The following H1-8 variants were observed in gnomAD, a reference collection of about 807,000 sequenced individuals.
H1-8 encodes histone H1.8.
A neutral mutation model predicts 19.5 loss-of-function variants in H1-8; 13 were observed. The ratio of observed to expected loss-of-function variants is 0.67; its 90% confidence interval spans 0.43 to 1.06. The LOEUF (loss-of-function observed/expected upper bound fraction) is 1.06. Ranked by LOEUF, H1-8 falls within the 50% of genes least tolerant of loss-of-function variation. The probability of loss-of-function intolerance (pLI) is 0.00; values close to 1 mark genes in which losing one functional copy is unlikely to be tolerated. For missense variants in H1-8, 432 were observed against 459.8 expected (o/e 0.94, Z 0.55); for synonymous variants, 193 against 187.6 (o/e 1.03, Z -0.24).
chr3:129,550,239 C>T (rs1024205347), intron 3 of H1-8, among the ~76,000 whole-genome samples: 2 of 151,908 alleles, frequency 1.3e-5, no homozygotes, highest in African/African-American at 4.8e-5. Context: ...CCCATCTCTG[C>T]AAAAAATAAA....
rs189015908 is a variant in H1-8, at chr3:129,551,167, A to G, written c.868A>G (p.Lys290Glu). The G allele has an allele frequency of 6.2e-7, 1 of 1,614,232 alleles. No individual in the cohort carries two copies. Among genetic ancestry groups the G allele is most frequent in the African/African-American group, 1.3e-5 (1 of 75,074 alleles). ...GGTGGTGGCCAAGGCCAAGGCCCCT[A>G]AAGCTGGGCAGGGGCCAAACACCAA... ...KKVVAKAKAP[K>E]AGQGPNTKAA... The change falls in exon 5 of 5, where the codon AAA becomes GAA. Residue 290 changes from lysine to glutamate, a missense_variant. Lys to Glu is a moderately conservative substitution (Grantham distance 56). Transcript: ENST00000324382.
In H1-8 at chr3:129,547,398, C is replaced by A; in HGVS notation, c.96C>A (p.Ser32Arg). ...CCTGCCATCTCTCCTCAGGCCCGAG[C>A]CACGGCGGTGTCCCACCAGGAGGCC... ...RSPESEKPGP[S>R]HGGVPPGGPS... The change falls in exon 2 of 5, where the codon AGC becomes AGA. Residue 32 changes from serine (S) to arginine (R), a missense_variant. Transcript: ENST00000324382. 2.7e-6 allele frequency: 4 copies of A among 1,502,550 alleles called. No individual in the cohort carries two copies. Among genetic ancestry groups the A allele is most frequent in the Non-Finnish European group, 2.7e-6 (3 of 1,130,278 alleles). The allele number at this position is 1,502,550 out of a possible 1,614,324, so 93.1% of individuals were successfully genotyped here.
At chr3:129,551,022 G>A in intron 4 of H1-8, 85 bp from the exon 5 acceptor site, 1 of 1,230,566 alleles carries the variant, frequency 8.1e-7, no homozygotes, top group Non-Finnish European at 1.2e-6. Context: ...GCTTAGAAGG[G>A]CGATGTTGTG....
intron 3 of H1-8, among the ~76,000 whole-genome samples, chr3:129,549,714 G>C (rs916295024): frequency 6.6e-6 from 1 of 152,024 alleles, no homozygotes; most frequent in Non-Finnish European, 1.5e-5. Context: ...AACACTTTGG[G>C]AGGCCAAGGC....
rs527282721 is a variant in H1-8 at position 129,546,437 on chromosome 3, A to G, written c.89-954A>G. On this transcript the variant is annotated intron_variant, in intron 1 of 4. Coordinates refer to ENST00000324382, the MANE Select transcript of H1-8 (RefSeq NM_153833.3). Reference sequence around the variant, plus strand: ...CTCCAACAGTCACCATCTTGTGGACACTCTTGTTTCATCTGCTGGGTTATT... The same window carrying G: ...CTCCAACAGTCACCATCTTGTGGACGCTCTTGTTTCATCTGCTGGGTTATT... 4.9e-4 allele frequency among the ~76,000 whole-genome samples: 75 copies of G among 152,246 alleles called. 1 individual carries two copies. The South Asian group carries it at 8.5e-3, about 17-fold the overall frequency.
In H1-8 at chr3:129,549,384, G is replaced by A; in HGVS notation, c.742+20G>A. ...GCCAAGGTAGTTGTGTGACTTGTAG[G>A]GGGTGGTGTGGGGATGGGGGTCTTG... On this transcript the variant is annotated intron_variant, in intron 3 of 4. Coordinates refer to ENST00000324382, the MANE Select transcript of H1-8 (RefSeq NM_153833.3). 7.7e-6 allele frequency: 12 copies of A among 1,551,360 alleles called. No individual in the cohort carries two copies. Among genetic ancestry groups the A allele is most frequent in the East Asian group, 2.3e-5 (1 of 44,354 alleles).
chr3:129,550,407 A>G (rs2108756458), intron 3 of H1-8, among the ~76,000 whole-genome samples: 2 of 152,098 alleles, frequency 1.3e-5, no homozygotes, highest in South Asian at 4.2e-4. Context: ...TCTTAAAAGT[A>G]AAAAAAAGTA....
chr3:129,543,773 G>C (rs530635405), intron 1 of H1-8, among the ~76,000 whole-genome samples: 2 of 152,310 alleles, frequency 1.3e-5, no homozygotes, highest in South Asian at 2.1e-4. Flanking sequence ...TCACTCCCTC[G>C]AGGACCTCCC....
chr3:129,543,667 G>A (rs2084868298), intron 1 of H1-8, among the ~76,000 whole-genome samples: 1 of 152,202 alleles, frequency 6.6e-6, no homozygotes, highest in African/African-American at 2.4e-5. Context: ...TGGGGCAGGA[G>A]CATTTTATGC....
chr3:129,546,119 T>TAAC (rs374458257), intron 1 of H1-8, among the ~76,000 whole-genome samples: 1 of 108,414 alleles, frequency 9.2e-6, no homozygotes, highest in Non-Finnish European at 1.9e-5. Context: ...CAAATAACAA[T>TAAC]AACAATAATA....
chr3:129,547,450 C>T lies in H1-8; in HGVS notation c.148C>T (p.Arg50Cys), dbSNP rs1041769380. The change falls in exon 2 of 5, where the codon CGC (arginine) becomes TGC (cysteine). Residue 50 changes from arginine (R) to cysteine (C), a missense_variant. Coordinates refer to ENST00000324382, the MANE Select transcript of H1-8 (RefSeq NM_153833.3). Reference protein sequence around the residue: ...GPSHSSLPVGRRHPPVLRMVL... With the variant: ...GPSHSSLPVGCRHPPVLRMVL... ...GAGCCACAGCAGCCTCCCGGTGGGA[C>T]GCCGCCACCCCCCGGTGCTACGCAT... The T allele has an allele frequency of 3.9e-5, 60 of 1,542,480 alleles. No homozygotes were observed. Among genetic ancestry groups the T allele is most frequent in the South Asian group, 8.4e-5 (7 of 83,634 alleles).
chr3:129,545,523 C>G (rs933055206), intron 1 of H1-8, among the ~76,000 whole-genome samples: 8 of 152,082 alleles, frequency 5.3e-5, no homozygotes, highest in African/African-American at 1.7e-4. Context: ...GTTGTGTATC[C>G]ATCTCTATAA....
Position 129,543,306 on chromosome 3 carries a change from G to A in H1-8, c.88G>A (p.Gly30Ser), listed in dbSNP as rs1226387234. The A allele has an allele frequency of 6.2e-7, 1 of 1,611,482 alleles. No individual in the cohort carries two copies. Among genetic ancestry groups the A allele is most frequent in the Non-Finnish European group, 8.5e-7 (1 of 1,178,576 alleles). The change falls in exon 1 of 5, where the codon GGC (glycine) becomes AGC (serine). Residue 30 changes from glycine to serine, a missense_variant and splice_region_variant. Transcript: ENST00000324382. ...SSRSPESEKP[G>S]PSHGGVPPGG... is the part of the protein sequence containing the mutation. ...CAGGTCTCCTGAATCTGAAAAGCCA[G>A]GTGAGCAAGAGGAGGCAGCTCCTCC... is the stretch of plus-strand genomic sequence containing the variant.
At chr3:129,544,101 C>G (rs1333481711) in intron 1 of H1-8, among the ~76,000 whole-genome samples, 1 of 152,114 alleles carries the variant, frequency 6.6e-6, no homozygotes, top group Non-Finnish European at 1.5e-5. Flanking sequence ...TGAGAGCAGC[C>G]TGCATGACCG....
chr3:129,547,062 G>A (rs955326316), intron 1 of H1-8, among the ~76,000 whole-genome samples: 3 of 152,150 alleles, frequency 2.0e-5, no homozygotes, highest in Admixed American at 1.3e-4. Flanking sequence ...GCCAGGTATG[G>A]TGGCAGCGCC....
intron 1 of H1-8, among the ~76,000 whole-genome samples, chr3:129,545,502 G>T (rs1400798101): frequency 6.6e-6 from 1 of 151,908 alleles, no homozygotes; most frequent in Non-Finnish European, 1.5e-5. Flanking sequence ...ATGGCTTTTG[G>T]TATACTCAGA....
chr3:129,544,962 C>A (rs138939030), intron 1 of H1-8, among the ~76,000 whole-genome samples: 1 of 152,126 alleles, frequency 6.6e-6, no homozygotes, highest in Non-Finnish European at 1.5e-5. Flanking sequence ...TGGCCAGGAC[C>A]CAACAGGGGT....
At chr3:129,550,905 G>T (rs2084927881) in intron 4 of H1-8, 96 bp downstream of exon 4, 14 of 1,160,916 alleles carry the variant, frequency 1.2e-5, no homozygotes, top group Non-Finnish European at 1.8e-5. Context: ...GTCATCCAGG[G>T]ATGGGGCTCA....
At chr3:129,548,010 G>A (rs946543262) in intron 2 of H1-8, among the ~76,000 whole-genome samples, 9 of 152,162 alleles carry the variant, frequency 5.9e-5, no homozygotes, top group African/African-American at 2.2e-4. Context: ...TTTTCCCTCT[G>A]CTGGCACCTC....
Sources: allele counts gnomAD v4.1 joint callset (sites outside exome capture counted in the v4.1 genomes callset), GRCh38; gene constraint gnomAD v4.1.1; transcripts MANE v1.5; gene names NCBI Gene and HGNC (gene_info 2026-07-23, HGNC 2026-07-21).